The following CALN1 variants were observed in gnomAD, a reference collection of about 807,000 sequenced individuals.
CALN1 encodes calcium-binding protein 8.
A neutral mutation model predicts 30.6 loss-of-function variants in CALN1; 17 were observed. The ratio of observed to expected loss-of-function variants is 0.56; its 90% CI spans 0.38 to 0.83. The LOEUF (loss-of-function observed/expected upper bound fraction) is 0.83. Ranked by LOEUF, CALN1 falls within the 40% of genes least tolerant of loss-of-function variation. The pLI is 0.00. For missense variants in CALN1, 291 were observed against 354.9 expected, an observed-to-expected ratio of 0.82 and a Z score of 1.45; for synonymous variants, 156 against 131.4, an observed-to-expected ratio of 1.19 and a Z score of -1.28.
chr7:71,944,357 G>A (rs1681612351), intron 5 of CALN1, among the ~76,000 whole-genome samples: 1 of 152,058 alleles, frequency 6.6e-6, no homozygotes, highest in South Asian at 2.1e-4. Flanking sequence ...CACTTTGGGA[G>A]GCTGAGGTGG....
the CALN1 span, among the ~76,000 whole-genome samples, chr7:72,465,666 T>G: frequency 6.6e-6 from 1 of 152,168 alleles, no homozygotes; most frequent in African/African-American, 2.4e-5. Context: ...AATAAAGTAC[T>G]AACATTATGC....
intron 4 of CALN1, among the ~76,000 whole-genome samples, chr7:72,047,312 C>T (rs117038831): frequency 1.1e-3 from 162 of 152,188 alleles, no homozygotes; most frequent in Non-Finnish European, 1.8e-3. Flanking sequence ...GAAACAGGAA[C>T]GGAAGGAGGC....
intron 3 of CALN1, among the ~76,000 whole-genome samples, chr7:72,110,611 AGT>A (rs1050865462): frequency 2.7e-5 from 4 of 150,040 alleles, no homozygotes; most frequent in African/African-American, 9.8e-5. Flanking sequence ...TGTCTATGTG[AGT>A]GTGTGTGTCT....
intron 6 of CALN1, among the ~76,000 whole-genome samples, chr7:71,789,388 G>A (rs1170844090): frequency 6.6e-6 from 1 of 152,100 alleles, no homozygotes; most frequent in Admixed American, 6.5e-5. Flanking sequence ...CTGTGCTTCA[G>A]CCTGGGAGAC....
chr7:72,401,452 G>A (rs1380768915), intron 2 of CALN1, among the ~76,000 whole-genome samples: 1 of 152,036 alleles, frequency 6.6e-6, no homozygotes, highest in Non-Finnish European at 1.5e-5. Context: ...CATCCCCAAG[G>A]AATAACAAAA....
Position 72,405,671 on chromosome 7 carries a change from C to T in CALN1, c.-73-2229G>A, listed in dbSNP as rs184248811. ...CTCTTGGAGACTTCTCTAGTTAGCT[C>T]GTTAAGTTAAACAGGAGAAGCAAGT... On this transcript the variant is annotated intron_variant, in intron 1 of 6. Transcript: ENST00000395275. Among the ~76,000 whole-genome samples, 492 of 151,534 alleles carry T rather than the reference C, an allele frequency of 3.2e-3. 6 individuals are homozygous for T. Among genetic ancestry groups the T allele is most frequent in the African/African-American group, 0.011 (445 of 41,146 alleles).
At chr7:71,868,496 T>C (rs904610021) in intron 5 of CALN1, among the ~76,000 whole-genome samples, 1 of 151,558 alleles carries the variant, frequency 6.6e-6, no homozygotes, top group Non-Finnish European at 1.5e-5. Context: ...CTCTGCCTCC[T>C]AAGTAGCTAG....
chr7:71,795,626 G>A (rs1048035132), intron 6 of CALN1, among the ~76,000 whole-genome samples: 8 of 152,002 alleles, frequency 5.3e-5, no homozygotes, highest in African/African-American at 1.9e-4. Flanking sequence ...ATTAACAGTC[G>A]CTGCTCATTC....
intron 3 of CALN1, among the ~76,000 whole-genome samples, chr7:72,183,159 G>C (rs1306998423): frequency 1.3e-5 from 2 of 152,004 alleles, no homozygotes; most frequent in African/African-American, 4.8e-5. Context: ...TGCCTCCCTG[G>C]TTCAAGCGAT....
chr7:71,835,080 C>T (rs1789526915), intron 5 of CALN1, among the ~76,000 whole-genome samples: 1 of 152,160 alleles, frequency 6.6e-6, no homozygotes, highest in African/African-American at 2.4e-5. Context: ...AGGAAGGGAT[C>T]CTCCTGCCTT....
the CALN1 span, among the ~76,000 whole-genome samples, chr7:72,466,180 G>C: frequency 6.6e-6 from 1 of 152,104 alleles, no homozygotes; most frequent in African/African-American, 2.4e-5. Flanking sequence ...GTATAGTTTA[G>C]ATTCTATCAC....
chr7:72,467,584 C>G, the CALN1 span, among the ~76,000 whole-genome samples: 1 of 152,188 alleles, frequency 6.6e-6, no homozygotes, highest in African/African-American at 2.4e-5. Flanking sequence ...CTCTAGCCCT[C>G]TGGAATGCTC....
At chr7:72,485,269 T>A in the CALN1 span, among the ~76,000 whole-genome samples, 3 of 152,006 alleles carry the variant, frequency 2.0e-5, no homozygotes, top group African/African-American at 7.3e-5. Flanking sequence ...ACTCAACAAC[T>A]AATACTGTGC....
chr7:71,966,214 T>C (rs559205329), intron 5 of CALN1, among the ~76,000 whole-genome samples: 1 of 152,222 alleles, frequency 6.6e-6, no homozygotes, highest in Non-Finnish European at 1.5e-5. Context: ...CCATGGACAA[T>C]ACAAATTAGT....
intron 2 of CALN1, among the ~76,000 whole-genome samples, chr7:72,346,585 G>A (rs936432528): frequency 6.6e-6 from 1 of 151,612 alleles, no homozygotes; most frequent in East Asian, 1.9e-4. Context: ...GCACGATCTC[G>A]GCTCACTGCA....
intron 3 of CALN1, among the ~76,000 whole-genome samples, chr7:72,107,639 T>C (rs1807269127): frequency 6.6e-6 from 1 of 152,154 alleles, no homozygotes; most frequent in Admixed American, 6.5e-5. Flanking sequence ...AAAGGTTCGT[T>C]AATTGTTTCT....
At chr7:71,920,502 AT>A (rs1365309034) in intron 5 of CALN1, among the ~76,000 whole-genome samples, 3 of 151,388 alleles carry the variant, frequency 2.0e-5, no homozygotes, top group Admixed American at 6.6e-5. Context: ...CGCCCAGCTG[AT>A]TTTTTGTATT....
chr7:72,135,942 G>A (rs943544429), intron 3 of CALN1, among the ~76,000 whole-genome samples: 1 of 151,960 alleles, frequency 6.6e-6, no homozygotes, highest in Non-Finnish European at 1.5e-5. Context: ...AGACCAGCCT[G>A]GTCAACATAG....
chr7:72,098,408 C>T (rs2068692549), intron 4 of CALN1, among the ~76,000 whole-genome samples: 2 of 152,144 alleles, frequency 1.3e-5, no homozygotes, highest in Admixed American at 6.5e-5. Context: ...GTTTATTTAA[C>T]TCTGAATAGT....
Sources: allele counts gnomAD v4.1 joint callset (sites outside exome capture counted in the v4.1 genomes callset), GRCh38; gene constraint gnomAD v4.1.1; transcripts MANE v1.5; gene names NCBI Gene and HGNC (gene_info 2026-07-23, HGNC 2026-07-21).